The following PLEKHA5 variants were observed in gnomAD, a reference collection of about 807,000 sequenced individuals.
The protein encoded by PLEKHA5 is pleckstrin homology domain containing A5.
Under a neutral mutation model 181.9 loss-of-function variants are expected in PLEKHA5, and 55 were observed. The observed-to-expected ratio is 0.30, with a 90% CI of 0.24 to 0.38. The LOEUF is 0.38. PLEKHA5 is among the 10% of genes least tolerant of loss of function. The pLI, the probability that PLEKHA5 is intolerant of heterozygous loss-of-function variation, is 1.00. For missense variants in PLEKHA5, 1,432 were observed against 1,549.5 expected (o/e 0.92, Z 1.27); for synonymous variants, 535 against 529.4 (o/e 1.01, Z -0.15).
chr12:19,226,662 T>C (rs1482771868), intron 3 of PLEKHA5, among the ~76,000 whole-genome samples: 1 of 152,220 alleles, frequency 6.6e-6, no homozygotes, highest in African/African-American at 2.4e-5. Context: ...TATATTGTTA[T>C]GAAATTTTTC....
intron 15 of PLEKHA5, among the ~76,000 whole-genome samples, chr12:19,295,451 G>A (rs182002229): frequency 2.5e-4 from 38 of 152,242 alleles, no homozygotes; most frequent in Admixed American, 1.4e-3. Flanking sequence ...CAGATTATCA[G>A]CAGTTAAAGT....
At chr12:19,281,993 A>G (rs893345833) in intron 11 of PLEKHA5, among the ~76,000 whole-genome samples, 2 of 152,010 alleles carry the variant, frequency 1.3e-5, no homozygotes, top group African/African-American at 4.8e-5. Flanking sequence ...TGTGTTAGCC[A>G]GGATGGTCTC....
intron 23 of PLEKHA5, among the ~76,000 whole-genome samples, chr12:19,346,307 G>A (rs180963469): frequency 3.3e-5 from 5 of 152,096 alleles, no homozygotes; most frequent in East Asian, 3.9e-4. Context: ...TTTGAATTTC[G>A]TATAAAAACC....
intron 26 of PLEKHA5, among the ~76,000 whole-genome samples, chr12:19,354,353 C>T (rs1437412077): frequency 6.8e-6 from 1 of 147,382 alleles, no homozygotes. Flanking sequence ...CGGGGTTTCA[C>T]CGTGTTAGCC....
At chr12:19,150,583 T>G (rs993748967) in intron 3 of PLEKHA5, 2 of 152,238 alleles carry the variant, frequency 1.3e-5, no homozygotes, top group African/African-American at 4.8e-5. Flanking sequence ...TTCTCACAGT[T>G]AAGAATAGTG....
rs33957042 is a variant in PLEKHA5, at chr12:19,352,946, C to CTTT, written c.3020-926_3020-924dup. ...TATAGGTGTACACCACCACACCCAG[C>CTTT]TTTTTTTTTTTTTTCAATTTTTTTG... On this transcript the variant is annotated intron_variant, in intron 25 of 31. Coordinates refer to ENST00000429027, the MANE Select transcript of PLEKHA5 (RefSeq NM_001256470.2). Among the ~76,000 whole-genome samples, 354 of 134,440 alleles carry CTTT rather than the reference C, an allele frequency of 2.6e-3. 1 individual carries two copies. Among genetic ancestry groups the CTTT allele is most frequent in the Non-Finnish European group, 3.6e-3 (226 of 62,300 alleles). The allele number at this position is 134,440 out of a possible 152,430, so 88.2% of individuals were successfully genotyped here.
At chr12:19,348,904 G>C (rs1271822291) in intron 25 of PLEKHA5, among the ~76,000 whole-genome samples, 1 of 152,148 alleles carries the variant, frequency 6.6e-6, no homozygotes, top group Non-Finnish European at 1.5e-5. Context: ...GCAGGCTGCA[G>C]TGAGCCGAGA....
intron 10 of PLEKHA5, among the ~76,000 whole-genome samples, chr12:19,272,975 C>T (rs2073429519): frequency 6.6e-6 from 1 of 152,132 alleles, no homozygotes; most frequent in African/African-American, 2.4e-5. Flanking sequence ...GGCACGATCT[C>T]AGCTCACTCC....
At chr12:19,156,065 C>T (rs937451736) in intron 3 of PLEKHA5, among the ~76,000 whole-genome samples, 20 of 152,048 alleles carry the variant, frequency 1.3e-4, no homozygotes, top group African/African-American at 3.4e-4. Context: ...AAGTAGTTTC[C>T]GTTTTATAAT....
intron 31 of PLEKHA5, among the ~76,000 whole-genome samples, chr12:19,374,680 T>G (rs1021551417): frequency 2.1e-5 from 3 of 142,530 alleles, no homozygotes; most frequent in African/African-American, 7.9e-5. Context: ...GAAGGCCAGG[T>G]GCAGTGGCTC....
intron 3 of PLEKHA5, among the ~76,000 whole-genome samples, chr12:19,215,507 T>A (rs1039626647): frequency 8.5e-5 from 13 of 152,194 alleles, no homozygotes; most frequent in African/African-American, 3.1e-4. Flanking sequence ...GTAGTTTGGA[T>A]AACAGCATCC....
At chr12:19,131,455 T>C (rs534283691) in intron 2 of PLEKHA5, among the ~76,000 whole-genome samples, 1 of 152,342 alleles carries the variant, frequency 6.6e-6, no homozygotes, top group East Asian at 1.9e-4. Context: ...TGCTTCAATA[T>C]ACCTTTCTGG....
chr12:19,182,616 G>GTGCC (rs1472127468), intron 3 of PLEKHA5, among the ~76,000 whole-genome samples: 1 of 152,138 alleles, frequency 6.6e-6, no homozygotes, highest in Non-Finnish European at 1.5e-5. Flanking sequence ...CATATTTCTA[G>GTGCC]TGCCTGCTTT....
At chr12:19,220,209 T>C (rs2058723382) in intron 3 of PLEKHA5, among the ~76,000 whole-genome samples, 1 of 151,838 alleles carries the variant, frequency 6.6e-6, no homozygotes, top group South Asian at 2.1e-4. Flanking sequence ...CTTTTCTTTT[T>C]TTTTTTAAGC....
chr12:19,200,328 A>G, intron 3 of PLEKHA5: 1 of 1,529,550 alleles, frequency 6.5e-7, no homozygotes, highest in East Asian at 2.5e-5. Flanking sequence ...CTTCCAGCTG[A>G]ATAGATTTCC....
At chr12:19,353,288 G>T (rs576086572) in intron 25 of PLEKHA5, among the ~76,000 whole-genome samples, 2 of 151,990 alleles carry the variant, frequency 1.3e-5, no homozygotes, top group Non-Finnish European at 1.5e-5. Context: ...TGAGTTGCTG[G>T]AATTATAGAC....
chr12:19,368,256 C>G (rs1188609630), intron 30 of PLEKHA5, among the ~76,000 whole-genome samples: 3 of 151,260 alleles, frequency 2.0e-5, no homozygotes, highest in African/African-American at 7.3e-5. Flanking sequence ...TTTCGGAAGC[C>G]AAGGCAGGAG....
At chr12:19,303,815 CTTTTTTT>C (rs578224551) in intron 15 of PLEKHA5, 19,077 of 107,628 alleles carry the variant, frequency 0.18, 1,582 homozygotes, top group Middle Eastern at 0.44. Flanking sequence ...TTTCTTTGAG[CTTTTTTT>C]TTTTTTTTTT....
intron 24 of PLEKHA5, 133 bp from the exon 25 acceptor site, chr12:19,348,266 A>C: frequency 1.6e-6 from 1 of 609,118 alleles, no homozygotes; most frequent in Non-Finnish European, 2.8e-6. Context: ...TGACATAGGT[A>C]TTATTTGTGT....
Sources: gnomAD v4.1 joint callset for allele counts (sites outside exome capture counted in the v4.1 genomes callset) on GRCh38, gnomAD v4.1.1 for gene constraint, MANE v1.5 for transcripts, NCBI Gene and HGNC (gene_info 2026-07-23, HGNC 2026-07-21) for gene names.